PPP1R16B: variants seen among roughly 807,000 people sequenced by gnomAD.
PPP1R16B encodes protein phosphatase 1 regulatory subunit 16B, also known as protein phosphatase 1 regulatory inhibitor subunit 16B.
Under a neutral mutation model 61.7 loss-of-function variants are expected in PPP1R16B, and 14 were observed. That is an observed-to-expected ratio of 0.23 (90% confidence interval 0.15 to 0.35). The LOEUF (loss-of-function observed/expected upper bound fraction) is 0.35, where lower values mean the gene tolerates loss of function less well. Ranked by LOEUF, PPP1R16B falls within the 10% of genes least tolerant of loss-of-function variation. The probability of loss-of-function intolerance (pLI) is 1.00; values close to 1 mark genes in which losing one functional copy is unlikely to be tolerated. For synonymous variants in PPP1R16B, 266 were observed against 305.3 expected (o/e 0.87, Z 1.34); for missense variants, 547 against 752.5 (o/e 0.73, Z 3.19).
Position 38,907,799 on chromosome 20 carries a change from C to T in PPP1R16B, c.899-7C>T. Reference sequence around the variant, plus strand: ...GTCCCCCACAACAGACTCCTCTGCCCCTTCAGACCTGTGCGAGGAGGAAGA... The same window carrying T: ...GTCCCCCACAACAGACTCCTCTGCCTCTTCAGACCTGTGCGAGGAGGAAGA... On this transcript the variant is annotated splice_region_variant and splice_polypyrimidine_tract_variant and intron_variant, in intron 8 of 10. Coordinates refer to ENST00000299824, the MANE Select transcript of PPP1R16B (RefSeq NM_015568.4). The surrounding 1 kb of genome is among the most constrained non-coding windows in gnomAD (Gnocchi z 4.5). 1 of 1,613,980 alleles carries T rather than the reference C, an allele frequency of 6.2e-7. No homozygotes were observed.
chr20:38,909,128 A>G (rs1190554095), intron 10 of PPP1R16B, among the ~76,000 whole-genome samples: 1 of 152,104 alleles, frequency 6.6e-6, no homozygotes, highest in African/African-American at 2.4e-5. Flanking sequence ...CAGCCTCCCA[A>G]GTAGCTGGGA....
intron 1 of PPP1R16B, among the ~76,000 whole-genome samples, chr20:38,813,767 CATTATT>C (rs371284370): frequency 0.068 from 8,932 of 131,892 alleles, 311 homozygotes; most frequent in Non-Finnish European, 0.074. Flanking sequence ...TCATCATCAT[CATTATT>C]ATTATTATTA....
chr20:38,912,096 CTTTTTTTTTTTT>C (rs35770847), intron 10 of PPP1R16B, among the ~76,000 whole-genome samples: 2 of 127,444 alleles, frequency 1.6e-5, no homozygotes, highest in Non-Finnish European at 3.3e-5. Flanking sequence ...TATAGTCAGT[CTTTTTTTTTTTT>C]TTTTTTTTGA....
chr20:38,889,681 T>A lies in PPP1R16B; in HGVS notation c.321+16T>A, dbSNP rs778370111. On this transcript the variant is annotated intron_variant, in intron 3 of 10. Transcript: ENST00000299824. ...CCTACACCAGGTAAGGCCGGGCTCG[T>A]TGGGGCTCCAGGGCTCCCTGCCCCT... 1 of 1,564,436 alleles carries A rather than the reference T, an allele frequency of 6.4e-7. No individual in the cohort carries two copies. The highest frequency in any genetic ancestry group is 1.4e-5 in the African/African-American group (1 of 73,722).
At chr20:38,895,068 A>G (rs2085324117) in intron 3 of PPP1R16B, among the ~76,000 whole-genome samples, 1 of 152,162 alleles carries the variant, frequency 6.6e-6, no homozygotes, top group Non-Finnish European at 1.5e-5. Context: ...AGAGGTTTCA[A>G]GCTATGATCT....
chr20:38,821,494 G>A (rs2084773269), intron 1 of PPP1R16B, among the ~76,000 whole-genome samples: 1 of 152,182 alleles, frequency 6.6e-6, no homozygotes, highest in African/African-American at 2.4e-5. Context: ...TGACTAGTGG[G>A]CTATATACAC....
At chr20:38,913,061 G>C (rs902312507) in intron 10 of PPP1R16B, among the ~76,000 whole-genome samples, 1 of 151,788 alleles carries the variant, frequency 6.6e-6, no homozygotes, top group African/African-American at 2.4e-5. Flanking sequence ...GGTAGAGATG[G>C]GGTTTCCCCA....
chr20:38,837,680 G>A (rs1408529570), intron 2 of PPP1R16B, among the ~76,000 whole-genome samples: 2 of 151,754 alleles, frequency 1.3e-5, no homozygotes, highest in Non-Finnish European at 2.9e-5. Flanking sequence ...CGAGTAGCTG[G>A]GATTACAGGC....
Position 38,835,863 on chromosome 20 carries a change from G to A in PPP1R16B, c.-63G>A. The A allele has an allele frequency of 3.4e-6, 5 of 1,463,288 alleles. No individual in the cohort carries two copies. Among genetic ancestry groups the A allele is most frequent in the Non-Finnish European group, 3.6e-6 (4 of 1,110,590 alleles). The allele number at this position is 1,463,288 out of a possible 1,614,324, so 90.6% of individuals were successfully genotyped here. A position where few individuals can be genotyped will look rare whatever the true frequency, so the allele number is the denominator to read the frequency against. On this transcript the variant is annotated 5_prime_UTR_variant, in exon 2 of 11. Transcript: ENST00000299824. ...GCCCCAGCCCCACCAGAGGCCCCGC[G>A]CTGCCCTGGCCCCCGGTGCACCGTG...
intron 6 of PPP1R16B, among the ~76,000 whole-genome samples, chr20:38,903,658 A>G (rs2145775877): frequency 6.6e-6 from 1 of 152,206 alleles, no homozygotes; most frequent in Non-Finnish European, 1.5e-5. Context: ...ACACACAGTT[A>G]TGAGCACCTC....
At chr20:38,827,009 G>C (rs897975957) in intron 1 of PPP1R16B, among the ~76,000 whole-genome samples, 2 of 152,090 alleles carry the variant, frequency 1.3e-5, no homozygotes, top group African/African-American at 2.4e-5. Context: ...GAATGGAGTG[G>C]TGTCATCATA....
chr20:38,902,827 G>T (rs780168958), intron 6 of PPP1R16B, 35 bp downstream of exon 6: 11 of 1,613,490 alleles, frequency 6.8e-6, no homozygotes, highest in Non-Finnish European at 9.3e-6. Flanking sequence ...ACCAAGACCA[G>T]CTAGGTCCGA....
At chr20:38,850,208 G>C (rs535418872) in intron 2 of PPP1R16B, among the ~76,000 whole-genome samples, 1 of 152,190 alleles carries the variant, frequency 6.6e-6, no homozygotes, top group Admixed American at 6.5e-5. Flanking sequence ...CATTGGCTAT[G>C]AGGTCGATTC....
chr20:38,813,292 C>A (rs12625702), intron 1 of PPP1R16B, among the ~76,000 whole-genome samples: 5 of 152,108 alleles, frequency 3.3e-5, no homozygotes, highest in Admixed American at 2.0e-4. Context: ...AACATGTATC[C>A]AGGTACATGG....
chr20:38,896,290 C>T (rs2085349049), intron 4 of PPP1R16B, among the ~76,000 whole-genome samples: 1 of 149,950 alleles, frequency 6.7e-6, no homozygotes, highest in South Asian at 2.1e-4. Flanking sequence ...TCCTCCTTCC[C>T]TCCTTTTCTG....
intron 2 of PPP1R16B, among the ~76,000 whole-genome samples, chr20:38,878,130 GT>G (rs2085181619): frequency 1.3e-5 from 2 of 152,058 alleles, no homozygotes; most frequent in Admixed American, 1.3e-4. Flanking sequence ...TGAATACTGT[GT>G]TGATTTGCAT....
chr20:38,914,560 A>G (rs1273714784), intron 10 of PPP1R16B, among the ~76,000 whole-genome samples: 1 of 152,214 alleles, frequency 6.6e-6, no homozygotes, highest in Non-Finnish European at 1.5e-5. Flanking sequence ...AGTTCCCTGC[A>G]TCATGAGAAA....
At chr20:38,831,386 G>T (rs2084836180) in intron 1 of PPP1R16B, among the ~76,000 whole-genome samples, 1 of 152,224 alleles carries the variant, frequency 6.6e-6, no homozygotes, top group South Asian at 2.1e-4. Context: ...CCTGTCTTGG[G>T]GCCGCCTAGC....
intron 1 of PPP1R16B, among the ~76,000 whole-genome samples, chr20:38,821,451 T>A (rs1447780642): frequency 6.6e-6 from 1 of 152,204 alleles, no homozygotes; most frequent in African/African-American, 2.4e-5. Flanking sequence ...TTTTATAATT[T>A]AAGACCTGAA....
Sources: allele counts gnomAD v4.1 joint callset (sites outside exome capture counted in the v4.1 genomes callset), GRCh38; gene constraint gnomAD v4.1.1; non-coding constraint Gnocchi (gnomAD v3.1); transcripts MANE v1.5; gene names NCBI Gene and HGNC (gene_info 2026-07-23, HGNC 2026-07-21).